The following BNC2 variants were observed in gnomAD, a reference collection of about 807,000 sequenced individuals.
The protein encoded by BNC2 is zinc finger protein basonuclin-2.
BNC2 carries 20 observed loss-of-function variants against 76.3 expected under a neutral mutation model. That is an observed-to-expected ratio of 0.26 (90% confidence interval 0.18 to 0.38). The LOEUF (loss-of-function observed/expected upper bound fraction) is 0.38, where lower values mean the gene tolerates loss of function less well. Ranked by LOEUF, BNC2 falls within the 10% of genes least tolerant of loss-of-function variation. The pLI, the probability that BNC2 is intolerant of heterozygous loss-of-function variation, is 1.00. For missense variants in BNC2, 1,382 were observed against 1,399.8 expected (o/e 0.99, Z 0.20); for synonymous variants, 582 against 514.8 (o/e 1.13, Z -1.77).
intron 1 of BNC2, among the ~76,000 whole-genome samples, chr9:16,835,979 C>A (rs1818696887): frequency 6.6e-6 from 1 of 152,148 alleles, no homozygotes; most frequent in African/African-American, 2.4e-5. Context: ...AGAATCCTGG[C>A]ACTAGAAATC....
chr9:16,658,289 A>G (rs942262650), intron 3 of BNC2, among the ~76,000 whole-genome samples: 1 of 144,778 alleles, frequency 6.9e-6, no homozygotes, highest in Non-Finnish European at 1.5e-5. Flanking sequence ...AAACAGCTAT[A>G]AGGCTGGAGA....
At chr9:16,471,773 T>C (rs1396844391) in intron 5 of BNC2, among the ~76,000 whole-genome samples, 2 of 152,124 alleles carry the variant, frequency 1.3e-5, no homozygotes, top group Non-Finnish European at 2.9e-5. Flanking sequence ...AGGTGCAGAA[T>C]GATATGGTTT....
chr9:16,495,975 C>A (rs1822380717), intron 5 of BNC2, among the ~76,000 whole-genome samples: 1 of 148,542 alleles, frequency 6.7e-6, no homozygotes, highest in Non-Finnish European at 1.5e-5. Flanking sequence ...ATGGTGTGAT[C>A]TTGGCTTACT....
chr9:16,419,838 G>A (rs1362404391), intron 6 of BNC2, among the ~76,000 whole-genome samples, 189 bp from the exon 7 acceptor site: 1 of 152,170 alleles, frequency 6.6e-6, no homozygotes, highest in East Asian at 1.9e-4. Context: ...GTGGTGGTGA[G>A]AGGTGCAATC....
chr9:16,845,269 G>T (rs370585681), intron 1 of BNC2, among the ~76,000 whole-genome samples: 2 of 152,020 alleles, frequency 1.3e-5, no homozygotes, highest in Non-Finnish European at 2.9e-5. Flanking sequence ...TAAGAGAAAT[G>T]GGCATTTTTT....
At chr9:16,805,105 C>G (rs2135787306) in intron 1 of BNC2, among the ~76,000 whole-genome samples, 1 of 152,100 alleles carries the variant, frequency 6.6e-6, no homozygotes, top group East Asian at 1.9e-4. Context: ...GTAGGTAACA[C>G]CACTGGATCA....
intron 1 of BNC2, among the ~76,000 whole-genome samples, chr9:16,813,127 G>A (rs1303605030): frequency 2.0e-5 from 3 of 152,112 alleles, no homozygotes; most frequent in African/African-American, 7.2e-5. Flanking sequence ...GAACCCTGTA[G>A]GCCGAGGTTG....
chr9:16,805,527 C>T (rs943675392), intron 1 of BNC2, among the ~76,000 whole-genome samples: 1 of 151,998 alleles, frequency 6.6e-6, no homozygotes. Flanking sequence ...GGGGTTTCAT[C>T]ATATTGGTCA....
chr9:16,667,159 T>A, intron 3 of BNC2, among the ~76,000 whole-genome samples: 1 of 152,028 alleles, frequency 6.6e-6, no homozygotes, highest in East Asian at 1.9e-4. Context: ...CTAGAATACA[T>A]GTTTTGGTTG....
rs758429756 is a variant in BNC2 at position 16,412,417 on chromosome 9, A to G, written c.*6572T>C. The G allele has an allele frequency of 3.3e-5, 5 of 152,574 alleles. No individual in the cohort carries two copies. The highest frequency in any genetic ancestry group is 1.2e-4 in the African/African-American group (5 of 41,566). The allele number at this position is 152,574 out of a possible 1,614,324, so 9.5% of individuals were successfully genotyped here. On this transcript the variant is annotated 3_prime_UTR_variant, in exon 7 of 7. Coordinates refer to ENST00000380672, the MANE Select transcript of BNC2 (RefSeq NM_017637.6). ...AAATATTTTAATCTTTTCCCTACAG[A>G]TTAGGGGGCAATATAATCTTACTTA...
intron 5 of BNC2, among the ~76,000 whole-genome samples, chr9:16,505,206 AAGTC>A (rs954865053): frequency 5.9e-5 from 9 of 152,206 alleles, no homozygotes; most frequent in African/African-American, 2.2e-4. Context: ...TATAACTGTC[AAGTC>A]AGTGCTATCC....
chr9:16,622,756 G>A (rs1191470608), intron 3 of BNC2, among the ~76,000 whole-genome samples: 1 of 152,108 alleles, frequency 6.6e-6, no homozygotes, highest in Non-Finnish European at 1.5e-5. Context: ...ATTTTTAGAA[G>A]CCTGTTGCTC....
intron 3 of BNC2, among the ~76,000 whole-genome samples, chr9:16,720,016 A>G (rs1587350406): frequency 6.6e-6 from 1 of 152,236 alleles, no homozygotes; most frequent in East Asian, 1.9e-4. Flanking sequence ...TCTTCAACTA[A>G]GTACTTTCTT....
At chr9:16,512,965 T>C (rs1276939287) in intron 5 of BNC2, among the ~76,000 whole-genome samples, 1 of 151,932 alleles carries the variant, frequency 6.6e-6, no homozygotes, top group Non-Finnish European at 1.5e-5. Flanking sequence ...GTGAAACCCG[T>C]CTCCACTAAA....
At chr9:16,430,208 C>T (rs889936370) in intron 6 of BNC2, among the ~76,000 whole-genome samples, 1 of 151,504 alleles carries the variant, frequency 6.6e-6, no homozygotes, top group Admixed American at 6.6e-5. Flanking sequence ...AAAAAAAAAA[C>T]TCTTCCTTAA....
intron 3 of BNC2, among the ~76,000 whole-genome samples, chr9:16,695,473 C>A (rs1823308606): frequency 6.6e-6 from 1 of 151,784 alleles, no homozygotes; most frequent in Non-Finnish European, 1.5e-5. Flanking sequence ...GGAAAATACC[C>A]ACGTGCCCTG....
chr9:16,708,909 C>G (rs563167187), intron 3 of BNC2, among the ~76,000 whole-genome samples: 8 of 152,188 alleles, frequency 5.3e-5, no homozygotes, highest in South Asian at 4.2e-4. Context: ...TCAGGGGACT[C>G]AGAAAATGCA....
chr9:16,555,163 C>T (rs1407029630), intron 4 of BNC2, among the ~76,000 whole-genome samples: 2 of 151,348 alleles, frequency 1.3e-5, no homozygotes, highest in African/African-American at 2.4e-5. Flanking sequence ...GGGACTCAGG[C>T]GCCCACCACC....
chr9:16,499,903 C>T (rs1822483452), intron 5 of BNC2, among the ~76,000 whole-genome samples: 1 of 152,038 alleles, frequency 6.6e-6, no homozygotes, highest in Admixed American at 6.5e-5. Flanking sequence ...TTCATTCTAA[C>T]TACTCAATTT....
Sources: gnomAD v4.1 joint callset for allele counts (sites outside exome capture counted in the v4.1 genomes callset) on GRCh38, gnomAD v4.1.1 for gene constraint, MANE v1.5 for transcripts, NCBI Gene and HGNC (gene_info 2026-07-23, HGNC 2026-07-21) for gene names.